TTC29: variants seen among roughly 807,000 people sequenced by gnomAD.
TTC29 encodes tetratricopeptide repeat domain 29.
TTC29 carries 49 observed loss-of-function variants against 58.1 expected under a neutral mutation model. The ratio of observed to expected loss-of-function variants is 0.84; its 90% CI spans 0.67 to 1.07. The LOEUF is 1.07. Among genes scored for constraint, TTC29 ranks in the 50% least tolerant of loss-of-function variants. The pLI is 0.00. For missense variants in TTC29, 582 were observed against 555.6 expected, an observed-to-expected ratio of 1.05 and a Z score of -0.48; for synonymous variants, 209 against 196.8, an observed-to-expected ratio of 1.06 and a Z score of -0.52.
At chr4:146,941,515 T>C (rs948860850) in intron 2 of TTC29, among the ~76,000 whole-genome samples, 3 of 152,056 alleles carry the variant, frequency 2.0e-5, no homozygotes, top group Non-Finnish European at 4.4e-5. Context: ...AAGCAAAATA[T>C]ATAGAACCTC....
intron 11 of TTC29, among the ~76,000 whole-genome samples, chr4:146,726,417 C>T (rs922521925): frequency 4.6e-5 from 7 of 152,186 alleles, no homozygotes; most frequent in African/African-American, 1.7e-4. Context: ...TGCACCACTG[C>T]ACTCCAGCCT....
intron 4 of TTC29, among the ~76,000 whole-genome samples, chr4:146,918,253 T>G (rs1238531649): frequency 6.6e-6 from 1 of 150,954 alleles, no homozygotes; most frequent in Non-Finnish European, 1.5e-5. Context: ...CTAACCTAAG[T>G]TCAACCTTTA....
intron 10 of TTC29, among the ~76,000 whole-genome samples, chr4:146,819,129 T>A (rs535381846): frequency 3.3e-5 from 5 of 149,844 alleles, no homozygotes; most frequent in Admixed American, 2.7e-4. Flanking sequence ...AATAAATAAA[T>A]AAATAATAAA....
At chr4:146,927,215 C>A (rs1254199809) in intron 4 of TTC29, among the ~76,000 whole-genome samples, 2 of 151,908 alleles carry the variant, frequency 1.3e-5, no homozygotes, top group Non-Finnish European at 2.9e-5. Context: ...ATTATTAACT[C>A]AATTAATTAT....
intron 8 of TTC29, among the ~76,000 whole-genome samples, chr4:146,846,711 T>C (rs546702027): frequency 6.6e-6 from 1 of 152,344 alleles, no homozygotes; most frequent in African/African-American, 2.4e-5. Flanking sequence ...AAAATTTCTA[T>C]ATTTCCACAT....
chr4:146,800,232 GA>G, intron 11 of TTC29, among the ~76,000 whole-genome samples: 1 of 151,628 alleles, frequency 6.6e-6, no homozygotes, highest in East Asian at 2.0e-4. Context: ...GATGAGAGAT[GA>G]TTGCTGGTGA....
intron 11 of TTC29, among the ~76,000 whole-genome samples, chr4:146,725,962 T>G (rs2150011582): frequency 6.6e-6 from 1 of 152,310 alleles, no homozygotes; most frequent in South Asian, 2.1e-4. Flanking sequence ...AGCCTGCAAC[T>G]CCTGGACTCA....
chr4:146,752,276 GACAA>G (rs1247383902), intron 11 of TTC29, among the ~76,000 whole-genome samples: 3 of 144,562 alleles, frequency 2.1e-5, no homozygotes, highest in East Asian at 2.0e-4. Flanking sequence ...GCCAATAACA[GACAA>G]ACAGAGAGCC....
At chr4:146,887,190 T>C (rs1732044196) in intron 6 of TTC29, among the ~76,000 whole-genome samples, 1 of 152,158 alleles carries the variant, frequency 6.6e-6, no homozygotes, top group Non-Finnish European at 1.5e-5. Flanking sequence ...TAAAAATCTT[T>C]TGAGGATAGA....
chr4:146,739,768 C>T (rs1434676930), intron 11 of TTC29, among the ~76,000 whole-genome samples: 1 of 152,158 alleles, frequency 6.6e-6, no homozygotes, highest in African/African-American at 2.4e-5. Flanking sequence ...TAGTGCCCTT[C>T]TGTATCTTAT....
chr4:146,836,423 C>T (rs1448539138), intron 8 of TTC29, among the ~76,000 whole-genome samples: 1 of 152,092 alleles, frequency 6.6e-6, no homozygotes, highest in Non-Finnish European at 1.5e-5. Flanking sequence ...TGCTCTAAAT[C>T]AAAGACACAC....
At chr4:146,944,058 A>C (rs1736685434) in intron 2 of TTC29, 2 of 152,350 alleles carry the variant, frequency 1.3e-5, no homozygotes, top group Non-Finnish European at 2.9e-5. Context: ...GAAATTGCTC[A>C]GGTTCAGGTG....
At chr4:146,762,819 T>G (rs1747009814) in intron 11 of TTC29, among the ~76,000 whole-genome samples, 1 of 152,026 alleles carries the variant, frequency 6.6e-6, no homozygotes, top group Admixed American at 6.6e-5. Context: ...TGGAAAATAT[T>G]TTTTTATTTA....
chr4:146,791,148 T>C (rs1296307334), intron 11 of TTC29, among the ~76,000 whole-genome samples: 2 of 152,340 alleles, frequency 1.3e-5, no homozygotes, highest in East Asian at 3.9e-4. Flanking sequence ...TTTATAAGTA[T>C]TTCAAATTTC....
chr4:146,901,130 T>C (rs560212318), intron 6 of TTC29, among the ~76,000 whole-genome samples: 2 of 152,314 alleles, frequency 1.3e-5, no homozygotes, highest in African/African-American at 4.8e-5. Flanking sequence ...AATTTTACTT[T>C]CAATTTTATA....
chr4:146,753,157 C>A (rs201351252), intron 11 of TTC29, among the ~76,000 whole-genome samples: 3 of 150,338 alleles, frequency 2.0e-5, no homozygotes, highest in African/African-American at 2.4e-5. Context: ...ACTCATCTGT[C>A]AAAGGGCTAA....
intron 11 of TTC29, among the ~76,000 whole-genome samples, chr4:146,785,194 CT>C (rs35617737): frequency 4.2e-4 from 58 of 137,576 alleles, no homozygotes; most frequent in Middle Eastern, 3.9e-3. Context: ...AACTTGCTGC[CT>C]TTTTTTTTTT....
chr4:146,849,746 C>T (rs1377168588), intron 8 of TTC29, among the ~76,000 whole-genome samples: 1 of 152,118 alleles, frequency 6.6e-6, no homozygotes. Context: ...CACTCTTCTC[C>T]CCTTTTGCTT....
intron 11 of TTC29, among the ~76,000 whole-genome samples, chr4:146,708,361 T>C (rs1177446474): frequency 7.8e-6 from 1 of 128,948 alleles, no homozygotes; most frequent in Non-Finnish European, 1.7e-5. Context: ...TATATACACA[T>C]GTATGTGTGT....
Sources: gnomAD v4.1 joint callset for allele counts (sites outside exome capture counted in the v4.1 genomes callset) on GRCh38, gnomAD v4.1.1 for gene constraint, MANE v1.5 for transcripts, NCBI Gene and HGNC (gene_info 2026-07-23, HGNC 2026-07-21) for gene names.